Variants in PBX3 observed in about 807,000 individuals in gnomAD.
The protein encoded by PBX3 is PBX homeobox 3, also known as pre-B-cell leukemia transcription factor 3.
In PBX3, 14 loss-of-function variants were observed where a neutral mutation model predicts 48.5. That is an observed-to-expected ratio of 0.29 (90% CI 0.19 to 0.45). The LOEUF is 0.45. PBX3 is among the 20% of genes least tolerant of loss of function. The probability of loss-of-function intolerance (pLI) is 1.00; values close to 1 mark genes in which losing one functional copy is unlikely to be tolerated. For synonymous variants in PBX3, 210 were observed against 200.3 expected (o/e 1.05, Z -0.41); for missense variants, 386 against 546.7 (o/e 0.71, Z 2.93).
intron 2 of PBX3, among the ~76,000 whole-genome samples, chr9:125,800,043 TGTA>T (rs1275940941): frequency 1.3e-5 from 2 of 152,210 alleles, no homozygotes; most frequent in African/African-American, 4.8e-5. Context: ...TAATAATAAT[TGTA>T]GTAATAAATG....
intron 2 of PBX3, among the ~76,000 whole-genome samples, chr9:125,856,525 T>C (rs1168347630): frequency 1.3e-5 from 2 of 152,206 alleles, no homozygotes; most frequent in Admixed American, 1.3e-4. Context: ...GAGCGGCGCC[T>C]CGGGCCTGGG....
chr9:125,945,229 G>GA (rs61194830), intron 5 of PBX3, among the ~76,000 whole-genome samples: 132 of 145,474 alleles, frequency 9.1e-4, no homozygotes, highest in African/African-American at 2.5e-3. Context: ...GTCTCAAAAA[G>GA]AAAAAAAAAA....
At position 125,747,384 on chromosome 9, in the gene PBX3, T is replaced by TCGCCGCCGCCGCCGC. The variant is rs756293477; in HGVS notation, c.-62_-48dup. ...TCCCCCTCTTTCTTCTCCTCCCTCG[T>TCGCCGCCGCCGCCGC]CGCCGCCGCCGCCGCCGCCGCCTCA... On this transcript the variant is annotated 5_prime_UTR_variant, in exon 1 of 9. Coordinates refer to ENST00000373489, the MANE Select transcript of PBX3 (RefSeq NM_006195.6). The TCGCCGCCGCCGCCGC allele has an allele frequency of 1.1e-4, 68 of 600,268 alleles. No homozygotes were observed. In the African/African-American group the frequency reaches 1.6e-3, roughly 14 times the overall value. 37.2% of individuals were successfully genotyped at this position (600,268 alleles called of 1,614,324 possible). A position where few individuals can be genotyped will look rare whatever the true frequency, so the allele number is the denominator to read the frequency against.
At chr9:125,947,397 T>TA in intron 5 of PBX3, among the ~76,000 whole-genome samples, 1 of 152,292 alleles carries the variant, frequency 6.6e-6, no homozygotes, top group East Asian at 1.9e-4. Context: ...CTAAGACTCT[T>TA]ACGTTTTCCG....
intron 2 of PBX3, among the ~76,000 whole-genome samples, chr9:125,815,754 A>G (rs1838441653): frequency 6.6e-6 from 1 of 151,620 alleles, no homozygotes; most frequent in South Asian, 2.1e-4. Flanking sequence ...CTCAGGTGTT[A>G]CTCAGACCTT....
At chr9:125,869,546 A>G (rs1004725346) in intron 2 of PBX3, among the ~76,000 whole-genome samples, 2 of 152,234 alleles carry the variant, frequency 1.3e-5, no homozygotes, top group Non-Finnish European at 2.9e-5. Context: ...CAATGAATAA[A>G]CAGACAGCTA....
At chr9:125,844,123 T>G (rs1275855856) in intron 2 of PBX3, among the ~76,000 whole-genome samples, 1 of 152,134 alleles carries the variant, frequency 6.6e-6, no homozygotes, top group Non-Finnish European at 1.5e-5. Context: ...TTTTCTAAAA[T>G]AGGTTTTCTG....
intron 2 of PBX3, among the ~76,000 whole-genome samples, chr9:125,899,454 TAGAGAGAGAG>T (rs202004098): frequency 4.8e-4 from 50 of 103,754 alleles, no homozygotes; most frequent in African/African-American, 1.3e-3. Flanking sequence ...TATATATATA[TAGAGAGAGAG>T]AGAGAGAGAG....
intron 3 of PBX3, among the ~76,000 whole-genome samples, chr9:125,927,636 A>G (rs1841608222): frequency 6.6e-6 from 1 of 152,224 alleles, no homozygotes; most frequent in Admixed American, 6.5e-5. Context: ...TTTTTAAGAA[A>G]AATGCCAGAA....
chr9:125,765,276 A>G (rs1470991616), intron 2 of PBX3, among the ~76,000 whole-genome samples: 1 of 151,604 alleles, frequency 6.6e-6, no homozygotes, highest in Non-Finnish European at 1.5e-5. Context: ...AGCCTCCCGA[A>G]TAGTCAAGAC....
At chr9:125,770,545 C>T (rs1280090871) in intron 2 of PBX3, among the ~76,000 whole-genome samples, 3 of 152,092 alleles carry the variant, frequency 2.0e-5, no homozygotes, top group Non-Finnish European at 1.5e-5. Flanking sequence ...GACCCCCAAA[C>T]TCAGGTTCTT....
Position 125,878,603 on chromosome 9 carries a change from C to T in PBX3, c.275-37083C>T, listed in dbSNP as rs116425119. 4.5e-3 allele frequency among the ~76,000 whole-genome samples: 679 copies of T among 152,298 alleles called. 7 individuals carry two copies. The highest frequency in any genetic ancestry group is 0.016 in the African/African-American group (654 of 41,550). On this transcript the variant is annotated intron_variant, in intron 2 of 8. Transcript: ENST00000373489. ...GAAGGACAGTGTTTGGTGACACTGT[C>T]ATTTGCAAGTTGAAAGGTAGACTAC...
At chr9:125,893,881 G>A (rs543815206) in intron 2 of PBX3, among the ~76,000 whole-genome samples, 1 of 151,974 alleles carries the variant, frequency 6.6e-6, no homozygotes, top group South Asian at 2.1e-4. Flanking sequence ...AAGAGAAAGG[G>A]CCTCCTCCTT....
At chr9:125,942,584 A>G (rs746525828) in intron 5 of PBX3, among the ~76,000 whole-genome samples, 1 of 152,250 alleles carries the variant, frequency 6.6e-6, no homozygotes, top group Admixed American at 6.5e-5. Flanking sequence ...TTTTTCAGCT[A>G]TACATAAAGG....
At position 125,819,486 on chromosome 9, in the gene PBX3, T is replaced by C. The variant is rs1015880511; in HGVS notation, c.274+70863T>C. On this transcript the variant is annotated intron_variant, in intron 2 of 8. Transcript: ENST00000373489. Reference sequence around the variant, plus strand: ...GTTGTGGTGAGTCAAGATCATGCCATTGCACTCCAGCCTGGGCAACAAGAG... The same window carrying C: ...GTTGTGGTGAGTCAAGATCATGCCACTGCACTCCAGCCTGGGCAACAAGAG... 3.3e-5 allele frequency among the ~76,000 whole-genome samples: 5 copies of C among 151,766 alleles called. No homozygotes were observed. The East Asian group carries it at 9.7e-4, about 30-fold the overall frequency.
chr9:125,817,419 A>T (rs564777666), intron 2 of PBX3, among the ~76,000 whole-genome samples: 2 of 152,264 alleles, frequency 1.3e-5, no homozygotes, highest in African/African-American at 4.8e-5. Context: ...TTATGTGATG[A>T]TGTATTTTTT....
At chr9:125,960,970 A>C in intron 6 of PBX3, 121 bp downstream of exon 6, 2 of 703,972 alleles carry the variant, frequency 2.8e-6, no homozygotes, top group Non-Finnish European at 4.4e-6. Flanking sequence ...AGGAAGATTT[A>C]TGTTCAAATG....
intron 2 of PBX3, among the ~76,000 whole-genome samples, chr9:125,883,699 C>G (rs1396053774): frequency 6.6e-6 from 1 of 152,048 alleles, no homozygotes; most frequent in Non-Finnish European, 1.5e-5. Context: ...GTAGCAACTG[C>G]AAACATTCCT....
At chr9:125,854,020 G>A (rs564911476) in intron 2 of PBX3, among the ~76,000 whole-genome samples, 3 of 151,870 alleles carry the variant, frequency 2.0e-5, no homozygotes, top group South Asian at 2.1e-4. Flanking sequence ...ATACAAACAC[G>A]CAAATACACA....
Sources: allele counts gnomAD v4.1 joint callset (sites outside exome capture counted in the v4.1 genomes callset), GRCh38; gene constraint gnomAD v4.1.1; transcripts MANE v1.5; gene names NCBI Gene and HGNC (gene_info 2026-07-23, HGNC 2026-07-21).